The following HIP1R variants were observed in gnomAD, a reference collection of about 807,000 sequenced individuals.
HIP1R encodes huntingtin-interacting protein 1-related protein.
HIP1R carries 135 observed loss-of-function variants against 144.2 expected under a neutral mutation model. That is an observed-to-expected ratio of 0.94 (90% CI 0.81 to 1.08). The LOEUF (loss-of-function observed/expected upper bound fraction) is 1.08, where lower values mean the gene tolerates loss of function less well. Ranked by LOEUF, HIP1R falls within the 50% of genes least tolerant of loss-of-function variation. The pLI is 0.00. For missense variants in HIP1R, 1,462 were observed against 1,432.8 expected (o/e 1.02, Z -0.33); for synonymous variants, 698 against 612.8 (o/e 1.14, Z -2.05).
chr12:122,860,288 T>C (rs1180511006), intron 26 of HIP1R, 78 bp downstream of exon 26: 14 of 1,535,048 alleles, frequency 9.1e-6, no homozygotes, highest in Non-Finnish European at 1.2e-5. Flanking sequence ...CATGAGACCC[T>C]CCACCCCCTA....
chr12:122,856,133 C>T lies in HIP1R; in HGVS notation c.1282C>T (p.Arg428Trp), dbSNP rs1346846167. 6 of 1,591,608 alleles carry T rather than the reference C, an allele frequency of 3.8e-6. No individual in the cohort carries two copies. Among genetic ancestry groups the T allele is most frequent in the East Asian group, 2.3e-5 (1 of 43,830 alleles). The change falls in exon 14 of 32, where the codon CGG (arginine) becomes TGG (tryptophan). Residue 428 changes from arginine (R) to tryptophan (W), a missense_variant. Physicochemically the swap from Arg to Trp is moderately radical, Grantham distance 101 (BLOSUM62 -3). Coordinates refer to ENST00000253083, the MANE Select transcript of HIP1R (RefSeq NM_003959.3). ...GAGGGCTGCCCAGCTGGAGGGCGAG[C>T]GGAGCCAGGGCCTGCGTGAGGAGGC... ...QLRAAQLEGE[R>W]SQGLREEAER...
chr12:122,853,595 C>G (rs1566108192), intron 7 of HIP1R: 1 of 154,418 alleles, frequency 6.5e-6, no homozygotes, highest in Non-Finnish European at 1.4e-5. Context: ...TGTGCAGAGC[C>G]AAGCTGTGAC....
At chr12:122,837,393 G>A (rs1007087711) in intron 1 of HIP1R, among the ~76,000 whole-genome samples, 1 of 150,912 alleles carries the variant, frequency 6.6e-6, no homozygotes, top group Non-Finnish European at 1.5e-5. Context: ...ATCTCAGCTC[G>A]CTGCAACCTC....
chr12:122,859,087 G>C lies in HIP1R; in HGVS notation c.2185G>C (p.Gly729Arg). ...CCTCATAGACACCTGCAGGGAGTGC[G>C]GGGCCCGGGCTCTGGAGCTCATGGG... is the stretch of plus-strand genomic sequence containing the variant. ...DRLIDTCREC[G>R]ARALELMGQL... The change falls in exon 22 of 32, where the codon GGG becomes CGG. Residue 729 changes from glycine (G) to arginine (R), a missense_variant. Transcript: ENST00000253083. The C allele has an allele frequency of 6.2e-7, 1 of 1,604,124 alleles. No individual in the cohort carries two copies. Among genetic ancestry groups the C allele is most frequent in the South Asian group, 1.1e-5 (1 of 89,786 alleles).
In HIP1R at chr12:122,858,571, C is replaced by G. The variant is rs1006165675; in HGVS notation, c.2050+136C>G. The G allele has an allele frequency of 1.5e-5, 11 of 739,362 alleles. No homozygotes were observed. The Admixed American group carries it at 2.9e-4, about 19-fold the overall frequency. The allele number at this position is 739,362 out of a possible 1,614,324, so 45.8% of individuals were successfully genotyped here. On this transcript the variant is annotated intron_variant, in intron 20 of 31. Coordinates refer to ENST00000253083, the MANE Select transcript of HIP1R (RefSeq NM_003959.3). ...GCCAAGCAGATGCCCCCTGCCTGCT[C>G]CTTCCCAGGAACCCACCCCTGCCCT...
chr12:122,856,277 C>T lies in HIP1R; in HGVS notation c.1334C>T (p.Ala445Val), dbSNP rs530412548. 36 of 1,613,830 alleles carry T rather than the reference C, an allele frequency of 2.2e-5. No homozygotes were observed. Among genetic ancestry groups the T allele is most frequent in the Middle Eastern group, 1.6e-4 (1 of 6,062 alleles). The change falls in exon 15 of 32, where the codon GCG becomes GTG. Residue 445 changes from alanine (A) to valine (V), a missense_variant. Physicochemically the swap from Ala to Val is moderately conservative, Grantham distance 64 (BLOSUM62 0). Around this residue, in one of 2 missense-constraint regions of HIP1R, gnomAD observed 1,112 missense variants for 1,011.7 expected, o/e 1.10. Coordinates refer to ENST00000253083, the MANE Select transcript of HIP1R (RefSeq NM_003959.3). ...CCAGGGAAGGCCAGTGCCACGGAGG[C>T]GCGCTACAACAAGCTGAAGGAAAAG... ...EAERKASATEARYNKLKEKHS... is the reference protein window; with the variant it reads ...EAERKASATEVRYNKLKEKHS...
intron 24 of HIP1R, 96 bp downstream of exon 24, chr12:122,859,926 G>A (rs1369159881): frequency 6.8e-7 from 1 of 1,474,480 alleles, no homozygotes. Flanking sequence ...GGGAAAGGAA[G>A]GCCTGGCTCA....
At chr12:122,834,857 A>G, upstream of HIP1R, 2 of 856,316 alleles carry the variant, frequency 2.3e-6, no homozygotes, top group Non-Finnish European at 3.3e-6. Context: ...GAATTGCACA[A>G]AGAGGGGAGA....
At chr12:122,856,749 G>A (rs756367918) in intron 17 of HIP1R, 23 bp downstream of exon 17, 1 of 1,543,904 alleles carries the variant, frequency 6.5e-7, no homozygotes, top group Non-Finnish European at 8.8e-7. Context: ...TTGATGACTG[G>A]AGGTGGGGTT....
At chr12:122,839,489 A>G (rs1021716629) in intron 1 of HIP1R, among the ~76,000 whole-genome samples, 2 of 152,220 alleles carry the variant, frequency 1.3e-5, no homozygotes, top group Non-Finnish European at 2.9e-5. Context: ...GAAACAGTTC[A>G]TAGGTCCAAT....
chr12:122,854,009 G>C (rs753467190), intron 7 of HIP1R, 34 bp from the exon 8 acceptor site: 11 of 1,604,888 alleles, frequency 6.9e-6, no homozygotes, highest in Non-Finnish European at 8.5e-6. Context: ...AGCTCCCAAG[G>C]GCTCACGTTC....
rs992978126 is a variant in HIP1R at position 122,860,185 on chromosome 12, A to G, written c.2534A>G (p.Gln845Arg). ...CTGGTGACGACATCCACTAGCCTGC[A>G]GAAGGAGATCGTGGAGAGCGGCAGG... Reference protein sequence around the residue: ...RLLVTTSTSLQKEIVESGRGA... With the variant: ...RLLVTTSTSLRKEIVESGRGA... The change falls in exon 26 of 32, where the codon CAG becomes CGG. Residue 845 changes from glutamine to arginine, a missense_variant. By Grantham distance (43) the Gln-to-Arg change is conservative. Around this residue, in one of 2 missense-constraint regions of HIP1R, gnomAD observed 1,112 missense variants for 1,011.7 expected, o/e 1.10. Transcript: ENST00000253083. 1 of 1,569,844 alleles carries G rather than the reference A, an allele frequency of 6.4e-7. No homozygotes were observed. Among genetic ancestry groups the G allele is most frequent in the Non-Finnish European group, 8.6e-7 (1 of 1,159,278 alleles).
rs2033025957 is a variant in HIP1R, at chr12:122,840,397, G to A, written c.93+4754G>A. 6.6e-6 allele frequency among the ~76,000 whole-genome samples: 1 copy of A among 152,234 alleles called. No individual in the cohort carries two copies. Among genetic ancestry groups the A allele is most frequent in the African/African-American group, 2.4e-5 (1 of 41,448 alleles). ...AGAGATGCCAACTGTGGCCACGTGTGGAATGGTAGGGCAGTCAAGAGCAAG... is the reference window on the plus strand; with the variant it reads ...AGAGATGCCAACTGTGGCCACGTGTAGAATGGTAGGGCAGTCAAGAGCAAG... On this transcript the variant is annotated intron_variant, in intron 1 of 31. Transcript: ENST00000253083. This position sits in a 1 kb window ranked among gnomAD's most constrained non-coding sequence, Gnocchi z 4.2.
rs1461262854 is a variant in HIP1R at position 122,854,262 on chromosome 12, G to A, written c.718+79G>A. ...ACATTCACTGTCAAAAAGGAAAATC[G>A]AAAAATTAGAGGTTTATTCATTTAA... On this transcript the variant is annotated intron_variant, in intron 8 of 31. Coordinates refer to ENST00000253083, the MANE Select transcript of HIP1R (RefSeq NM_003959.3). 25 of 1,203,872 alleles carry A rather than the reference G, an allele frequency of 2.1e-5. No individual in the cohort carries two copies. The East Asian group carries it at 2.5e-4, about 12-fold the overall frequency. 74.6% of individuals were successfully genotyped at this position (1,203,872 alleles called of 1,614,324 possible).
chr12:122,851,632 G>A (rs534484986), intron 7 of HIP1R, among the ~76,000 whole-genome samples: 6 of 151,900 alleles, frequency 3.9e-5, no homozygotes, highest in Non-Finnish European at 7.4e-5. Flanking sequence ...CCTGGGCGGC[G>A]GAGATCATGC....
rs567804081 is a variant in HIP1R, at chr12:122,859,383, G to T, written c.2296-43G>T. ...CTTTCCCAGGCTGCCCGTGGGACGG[G>T]GGGGGACGGAGGCTACCCCTGTCTG... On this transcript the variant is annotated intron_variant, in intron 22 of 31. Coordinates refer to ENST00000253083, the MANE Select transcript of HIP1R (RefSeq NM_003959.3). 4.0e-5 allele frequency: 62 copies of T among 1,562,080 alleles called. No homozygotes were observed. The Middle Eastern group carries it at 6.7e-4, about 17-fold the overall frequency.
At position 122,860,538 on chromosome 12, in the gene HIP1R, G is replaced by GT. The variant is rs774818774; in HGVS notation, c.2660+16dup. 2 of 1,600,286 alleles carry GT rather than the reference G, an allele frequency of 1.2e-6. No individual in the cohort carries two copies. Among genetic ancestry groups the GT allele is most frequent in the Admixed American group, 3.3e-5 (2 of 59,962 alleles). On this transcript the variant is annotated intron_variant, in intron 27 of 31. Transcript: ENST00000253083. ...ACACAGCTGGTGTAGGTTGCCCTGGGTGGGGGGGGGCAGGGGGCTGCTTCC... is the reference window on the plus strand; with the variant it reads ...ACACAGCTGGTGTAGGTTGCCCTGGGTTGGGGGGGGGCAGGGGGCTGCTTCC...
chr12:122,856,587 C>G, intron 16 of HIP1R, 38 bp from the exon 17 acceptor site: 1 of 1,598,900 alleles, frequency 6.3e-7, no homozygotes, highest in Non-Finnish European at 8.5e-7. Context: ...CCCGGCATCC[C>G]CAGCCCACTG....
chr12:122,853,235 C>T (rs986408030), intron 7 of HIP1R, among the ~76,000 whole-genome samples: 13 of 147,744 alleles, frequency 8.8e-5, no homozygotes, highest in Non-Finnish European at 1.3e-4. Context: ...GCAGGGGAGA[C>T]GGGCCCTGGG....
Sources: gnomAD v4.1 joint callset for allele counts (sites outside exome capture counted in the v4.1 genomes callset) on GRCh38, gnomAD v4.1.1 for gene constraint, gnomAD v4.1.1 regional missense constraint, Gnocchi (gnomAD v3.1) non-coding constraint, MANE v1.5 for transcripts, NCBI Gene and HGNC (gene_info 2026-07-23, HGNC 2026-07-21) for gene names.